Variants in SORCS2 observed in about 807,000 individuals in gnomAD.
SORCS2 encodes the protein sortilin related VPS10 domain containing receptor 2.
SORCS2 carries 100 observed loss-of-function variants against 141.6 expected under a neutral mutation model. The ratio of observed to expected loss-of-function variants is 0.71; its 90% confidence interval spans 0.60 to 0.83. SORCS2 has a LOEUF of 0.83. Among genes scored for constraint, SORCS2 ranks in the 40% least tolerant of loss-of-function variants. The probability of loss-of-function intolerance (pLI) is 0.00; values close to 1 mark genes in which losing one functional copy is unlikely to be tolerated. For synonymous variants in SORCS2, 789 were observed against 676.9 expected (o/e 1.17, Z -2.57); for missense variants, 1,646 against 1,560.2 (o/e 1.05, Z -0.93).
intron 2 of SORCS2, among the ~76,000 whole-genome samples, chr4:7,530,603 C>G (rs894856513): frequency 3.3e-5 from 5 of 152,194 alleles, no homozygotes; most frequent in African/African-American, 1.2e-4. Context: ...CCAGTACAGT[C>G]GGGGCATATC....
At chr4:7,645,503 G>T (rs60785891) in intron 4 of SORCS2, among the ~76,000 whole-genome samples, 4,021 of 146,386 alleles carry the variant, frequency 0.027, 162 homozygotes, top group African/African-American at 0.1. Context: ...GTGTGTGTGG[G>T]TGTGTGAGTG....
chr4:7,638,183 G>A lies in SORCS2; in HGVS notation c.649-145G>A, dbSNP rs936009651. On this transcript the variant is annotated intron_variant, in intron 3 of 26. Coordinates refer to ENST00000507866, the MANE Select transcript of SORCS2 (RefSeq NM_020777.3). ...CCTCCCTGGTATCAGGAGGTGAAGGGGAGAGGCACACCCGGCCCAGGCCTC... is the reference window on the plus strand; with the variant it reads ...CCTCCCTGGTATCAGGAGGTGAAGGAGAGAGGCACACCCGGCCCAGGCCTC... 2.8e-5 allele frequency: 28 copies of A among 1,015,176 alleles called. No individual in the cohort carries two copies. In the East Asian group the frequency reaches 2.9e-4, roughly 10 times the overall value. The allele number at this position is 1,015,176 out of a possible 1,614,324, so 62.9% of individuals were successfully genotyped here.
At chr4:7,484,765 C>A (rs1184034926) in intron 2 of SORCS2, among the ~76,000 whole-genome samples, 2 of 151,978 alleles carry the variant, frequency 1.3e-5, no homozygotes, top group African/African-American at 4.8e-5. Flanking sequence ...ACACACACCA[C>A]CTCCTGCACC....
At chr4:7,356,120 A>G (rs1456985227) in intron 1 of SORCS2, among the ~76,000 whole-genome samples, 4 of 152,132 alleles carry the variant, frequency 2.6e-5, no homozygotes, top group Non-Finnish European at 4.4e-5. Flanking sequence ...GCAGGTCTCA[A>G]TGATCATCTG....
intron 2 of SORCS2, among the ~76,000 whole-genome samples, chr4:7,426,811 C>CGCACCGGCAGT (rs1299959926): frequency 2.0e-5 from 3 of 152,192 alleles, no homozygotes; most frequent in Non-Finnish European, 2.9e-5. Flanking sequence ...GAGGCCCTCC[C>CGCACCGGCAGT]GCACCGGCAG....
At chr4:7,492,002 A>C (rs1731344855) in intron 2 of SORCS2, among the ~76,000 whole-genome samples, 1 of 152,186 alleles carries the variant, frequency 6.6e-6, no homozygotes, top group African/African-American at 2.4e-5. Flanking sequence ...TGGGCAGGGC[A>C]GGGGCTAGAG....
At chr4:7,676,589 C>G (rs1427573455) in intron 9 of SORCS2, among the ~76,000 whole-genome samples, 1 of 152,126 alleles carries the variant, frequency 6.6e-6, no homozygotes, top group Non-Finnish European at 1.5e-5. Context: ...ACGTCCTGGG[C>G]TGGGGTCACC....
intron 3 of SORCS2, among the ~76,000 whole-genome samples, chr4:7,569,262 C>T (rs1237774666): frequency 6.6e-6 from 1 of 152,194 alleles, no homozygotes; most frequent in African/African-American, 2.4e-5. Context: ...CCTGTAATCC[C>T]AGCACTTTGG....
intron 2 of SORCS2, among the ~76,000 whole-genome samples, chr4:7,403,961 GTATATA>G (rs71635960): frequency 4.7e-4 from 14 of 29,898 alleles, no homozygotes; most frequent in Admixed American, 1.2e-3. Flanking sequence ...CTCCATGTGT[GTATATA>G]TATATATATA....
At chr4:7,647,299 T>C (rs953048232) in intron 4 of SORCS2, among the ~76,000 whole-genome samples, 1 of 152,174 alleles carries the variant, frequency 6.6e-6, no homozygotes, top group Non-Finnish European at 1.5e-5. Flanking sequence ...TCTCCATGCA[T>C]GTGGCAGCAA....
Position 7,521,585 on chromosome 4 carries a change from C to T in SORCS2, c.549-9945C>T, listed in dbSNP as rs377365856. On this transcript the variant is annotated intron_variant, in intron 2 of 26. Coordinates refer to ENST00000507866, the MANE Select transcript of SORCS2 (RefSeq NM_020777.3). ...AGCCATCGGGTCCTGGGCGCCACAG[C>T]GGTCTGTGTGTCTTCTCATCTCACA... 2.3e-4 allele frequency among the ~76,000 whole-genome samples: 35 copies of T among 152,310 alleles called. 1 individual carries two copies. The South Asian group carries it at 3.5e-3, about 15-fold the overall frequency.
At chr4:7,390,589 C>T (rs184461908) in intron 1 of SORCS2, among the ~76,000 whole-genome samples, 1 of 152,292 alleles carries the variant, frequency 6.6e-6, no homozygotes, top group African/African-American at 2.4e-5. Context: ...GGAGCTTGTA[C>T]CCGGGGCCAT....
At chr4:7,586,238 A>C (rs1716527895) in intron 3 of SORCS2, among the ~76,000 whole-genome samples, 1 of 151,926 alleles carries the variant, frequency 6.6e-6, no homozygotes, top group Non-Finnish European at 1.5e-5. Context: ...CTTCTGGGAG[A>C]GCTTTGCAAG....
chr4:7,626,600 T>C (rs1560436684), intron 3 of SORCS2, among the ~76,000 whole-genome samples: 1 of 152,268 alleles, frequency 6.6e-6, no homozygotes, highest in Non-Finnish European at 1.5e-5. Flanking sequence ...GTGTGTATCA[T>C]ATGTGTGTAC....
chr4:7,275,715 G>C (rs1715458652), intron 1 of SORCS2, among the ~76,000 whole-genome samples: 1 of 151,412 alleles, frequency 6.6e-6, no homozygotes, highest in Non-Finnish European at 1.5e-5. Flanking sequence ...ATTCTTACTA[G>C]TGTTGCAAGC....
intron 1 of SORCS2, among the ~76,000 whole-genome samples, chr4:7,215,557 G>T (rs1488206330): frequency 6.6e-6 from 1 of 152,366 alleles, no homozygotes; most frequent in Middle Eastern, 3.4e-3. Flanking sequence ...CTGCAGCCCC[G>T]GTGCGGGATC....
At position 7,426,067 on chromosome 4, in the gene SORCS2, G is replaced by A. The variant is rs572305533; in HGVS notation, c.548+29712G>A. ...ATGCTGGAGGCGTGGGCAGTGTTGT[G>A]GTTTTCATTCTCCATCGCTTGCTGT... On this transcript the variant is annotated intron_variant, in intron 2 of 26. Coordinates refer to ENST00000507866, the MANE Select transcript of SORCS2 (RefSeq NM_020777.3). Among the ~76,000 whole-genome samples the A allele has an allele frequency of 3.3e-5, 5 of 152,320 alleles. No homozygotes were observed. In the East Asian group the frequency reaches 9.7e-4, roughly 29 times the overall value.
At chr4:7,211,921 G>A (rs956955094) in intron 1 of SORCS2, among the ~76,000 whole-genome samples, 1 of 152,152 alleles carries the variant, frequency 6.6e-6, no homozygotes, top group East Asian at 1.9e-4. Flanking sequence ...GTTTTTTGTA[G>A]TAGTGGAAGG....
At chr4:7,717,075 T>G (rs4689836) in intron 17 of SORCS2, among the ~76,000 whole-genome samples, 2 of 152,104 alleles carry the variant, frequency 1.3e-5, no homozygotes, top group East Asian at 3.9e-4. Flanking sequence ...AGACGCATAG[T>G]GTAGCCTGAG....
Sources: gnomAD v4.1 joint callset for allele counts (sites outside exome capture counted in the v4.1 genomes callset) on GRCh38, gnomAD v4.1.1 for gene constraint, MANE v1.5 for transcripts, NCBI Gene and HGNC (gene_info 2026-07-23, HGNC 2026-07-21) for gene names.